Variants in AR observed in about 807,000 individuals in gnomAD.
The protein encoded by AR is androgen receptor, also known as dihydrotestosterone receptor.
AR carries 8 observed loss-of-function variants against 53.9 expected under a neutral mutation model. That is an observed-to-expected ratio of 0.15 (90% CI 0.09 to 0.27). AR has a LOEUF of 0.27. AR is among the 10% of genes least tolerant of loss of function. The pLI, the probability that AR is intolerant of heterozygous loss-of-function variation, is 1.00. For synonymous variants in AR, 359 were observed against 316.4 expected, an observed-to-expected ratio of 1.13 and a Z score of -1.43; for missense variants, 639 against 742.5, an observed-to-expected ratio of 0.86 and a Z score of 1.62.
chrX:67,630,790 T>G (rs984450665), intron 1 of AR, among the ~76,000 whole-genome samples: 1 of 111,150 alleles, frequency 9.0e-6, no homozygotes, highest in African/African-American at 3.3e-5. Flanking sequence ...GTCGTTCCTT[T>G]CCATGTTTAG....
At chrX:67,712,522 A>T (rs377118522) in intron 4 of AR, among the ~76,000 whole-genome samples, 1 of 112,452 alleles carries the variant, frequency 8.9e-6, no homozygotes, top group East Asian at 2.8e-4. Flanking sequence ...CTATCCAATG[A>T]TTCACAAACT....
chrX:67,586,043 G>T (rs916822799), intron 1 of AR, among the ~76,000 whole-genome samples: 1 of 111,598 alleles, frequency 9.0e-6, no homozygotes, highest in Non-Finnish European at 1.9e-5. Flanking sequence ...GAGGGTACTT[G>T]TTTTTTAAGA....
At chrX:67,687,335 T>G (rs2031865193) in intron 3 of AR, among the ~76,000 whole-genome samples, 1 of 112,086 alleles carries the variant, frequency 8.9e-6, no homozygotes, top group East Asian at 2.8e-4. Context: ...AGGGCAGTAG[T>G]ATTATTTAAA....
Position 67,725,186 on chromosome X carries a change from C to A in AR, c.*1345C>A. On this transcript the variant is annotated 3_prime_UTR_variant, in exon 8 of 8. Coordinates refer to ENST00000374690, the MANE Select transcript of AR (RefSeq NM_000044.6). ...CTTCTTTTGGGCATGTTCACAGATT[C>A]TCTGTTAAGAGCCCCCACCACCAAG... 1 of 175,766 alleles carries A rather than the reference C, an allele frequency of 5.7e-6. No homozygotes were observed. Among genetic ancestry groups the A allele is most frequent in the Non-Finnish European group, 1.1e-5 (1 of 91,623 alleles). The allele number at this position is 175,766 out of a possible 1,213,427, so 14.5% of individuals were successfully genotyped here. A position where few individuals can be genotyped will look rare whatever the true frequency, so the allele number is the denominator to read the frequency against.
At chrX:67,675,851 A>C (rs778629534) in intron 2 of AR, among the ~76,000 whole-genome samples, 75 of 111,359 alleles carry the variant, frequency 6.7e-4, no homozygotes, top group African/African-American at 2.4e-3. Flanking sequence ...CAATTGCTGG[A>C]GGCTTCTCTT....
intron 1 of AR, among the ~76,000 whole-genome samples, chrX:67,589,736 C>T (rs1343784077): frequency 1.8e-5 from 2 of 111,659 alleles, no homozygotes; most frequent in African/African-American, 6.5e-5. Flanking sequence ...GCAGCCATGC[C>T]TTTGGTGTGC....
At chrX:67,606,245 T>C (rs1923619665) in intron 1 of AR, among the ~76,000 whole-genome samples, 1 of 111,259 alleles carries the variant, frequency 9.0e-6, no homozygotes, top group Non-Finnish European at 1.9e-5. Context: ...ACTTCACTGT[T>C]GCTTCAGCAG....
At chrX:67,717,425 G>C (rs916046494) in intron 4 of AR, 53 bp from the exon 5 acceptor site, 1 of 1,204,966 alleles carries the variant, frequency 8.3e-7, no homozygotes. Flanking sequence ...CTCAGACTTA[G>C]CTCAACCCGT....
Position 67,546,447 on chromosome X carries a change from C to T in AR, c.1301C>T (p.Ser434Phe), listed in dbSNP as rs748457992. Residue 434 changes from serine to phenylalanine, a missense_variant, in exon 1 of 8, where the codon TCC (serine) becomes TTC (phenylalanine). Transcript: ENST00000374690. ...SGSPSAAASS[S>F]WHTLFTAEEG... is the part of the protein sequence containing the mutation. ...TCACCCTCAGCCGCCGCTTCCTCAT[C>T]CTGGCACACTCTCTTCACAGCCGAA... 1.3e-4 allele frequency: 159 copies of T among 1,182,301 alleles called. No homozygotes were observed. In the Middle Eastern group the frequency reaches 1.6e-3, roughly 12 times the overall value.
rs1417229454 is a variant in AR at position 67,729,583 on chromosome X, G to GT, written c.*5748dup. The stretch of plus-strand genomic sequence containing the variant: ...CCAATTCAGTATAGCAAGGTGCTAG[G>GT]TTTTTTCCTTTCCCCACCTGTCTCT... On this transcript the variant is annotated 3_prime_UTR_variant, in exon 8 of 8. Transcript: ENST00000374690. The GT allele has an allele frequency of 5.8e-6, 1 of 172,729 alleles. No homozygotes were observed. The highest frequency in any genetic ancestry group is 1.1e-5 in the Non-Finnish European group (1 of 90,833). 14.2% of individuals were successfully genotyped at this position (172,729 alleles called of 1,213,427 possible).
intron 3 of AR, among the ~76,000 whole-genome samples, chrX:67,706,518 T>C (rs1424838265): frequency 1.8e-5 from 2 of 111,611 alleles, no homozygotes; most frequent in Admixed American, 1.9e-4. Context: ...TTTTATTGCA[T>C]CTATTTGATT....
At chrX:67,721,493 G>T (rs1447133774) in intron 5 of AR, among the ~76,000 whole-genome samples, 2 of 111,437 alleles carry the variant, frequency 1.8e-5, no homozygotes, top group African/African-American at 3.3e-5. Context: ...GGGAGACCAT[G>T]TGCCTCCCCC....
intron 4 of AR, among the ~76,000 whole-genome samples, chrX:67,714,201 A>G (rs2076104033): frequency 8.9e-6 from 1 of 111,949 alleles, no homozygotes. Flanking sequence ...GCTATGGACT[A>G]GTTCTGTGAC....
At chrX:67,718,531 A>T (rs764979692) in intron 5 of AR, among the ~76,000 whole-genome samples, 2 of 111,798 alleles carry the variant, frequency 1.8e-5, no homozygotes, top group African/African-American at 3.2e-5. Flanking sequence ...GTAATTTCTT[A>T]TGATAACTAA....
chrX:67,724,374 TACATACAC>T lies in AR; in HGVS notation c.*541_*548del. 1 of 178,103 alleles carries T rather than the reference TACATACAC, an allele frequency of 5.6e-6. No homozygotes were observed. Among genetic ancestry groups the T allele is most frequent in the African/African-American group, 2.9e-5 (1 of 34,186 alleles). The allele number at this position is 178,103 out of a possible 1,213,427, so 14.7% of individuals were successfully genotyped here. A position where few individuals can be genotyped will look rare whatever the true frequency, so the allele number is the denominator to read the frequency against. ...ATAAATAAATAAATAAATACGTACA[TACATACAC>T]ACATACATACAAACATATAGAAATC... On this transcript the variant is annotated 3_prime_UTR_variant, in exon 8 of 8. Transcript: ENST00000374690.
chrX:67,664,783 T>C (rs779283595), intron 2 of AR, among the ~76,000 whole-genome samples: 2 of 112,522 alleles, frequency 1.8e-5, no homozygotes, highest in East Asian at 5.7e-4. Context: ...GCTTCCCAGC[T>C]GCTTTGTTTA....
intron 2 of AR, among the ~76,000 whole-genome samples, chrX:67,653,279 C>T (rs1177574584): frequency 8.9e-6 from 1 of 111,915 alleles, no homozygotes; most frequent in Non-Finnish European, 1.9e-5. Context: ...GTGATTTGCC[C>T]AAAGTCATAC....
chrX:67,679,462 A>G (rs1352299692), intron 2 of AR, among the ~76,000 whole-genome samples: 1 of 111,891 alleles, frequency 8.9e-6, no homozygotes, highest in African/African-American at 3.2e-5. Context: ...TAATGCTACA[A>G]TAAACTTCTA....
At chrX:67,700,597 G>A (rs7053042) in intron 3 of AR, among the ~76,000 whole-genome samples, 7,415 of 111,587 alleles carry the variant, frequency 0.066, 623 homozygotes, top group African/African-American at 0.23. Context: ...TGGTCACAGG[G>A]ACAAGCACAC....
Sources: gnomAD v4.1 joint callset for allele counts (sites outside exome capture counted in the v4.1 genomes callset) on GRCh38, gnomAD v4.1.1 for gene constraint, MANE v1.5 for transcripts, NCBI Gene and HGNC (gene_info 2026-07-23, HGNC 2026-07-21) for gene names.